ATG9B: variants seen among roughly 807,000 people sequenced by gnomAD.
ATG9B encodes the protein autophagy-related protein 9B.
Under a neutral mutation model 92.9 loss-of-function variants are expected in ATG9B, and 92 were observed. The observed-to-expected ratio is 0.99, with a 90% CI of 0.84 to 1.18. The LOEUF (loss-of-function observed/expected upper bound fraction) is 1.18, where lower values mean the gene tolerates loss of function less well. ATG9B is among the 50% of genes most tolerant of loss of function. The pLI is 0.00. For missense variants in ATG9B, 1,344 were observed against 1,235.0 expected (o/e 1.09, Z -1.32); for synonymous variants, 599 against 551.4 (o/e 1.09, Z -1.21).
chr7:151,019,623 C>T lies in ATG9B; in HGVS notation c.964-249G>A, dbSNP rs73472566. On this transcript the variant is annotated intron_variant, in intron 5 of 13. Transcript: ENST00000639579. ...AAACTGCCCTGTTCATCATCCCTGC[C>T]ATTCATGTGGCCAGTAGTCATGCAC... 4.0e-3 allele frequency among the ~76,000 whole-genome samples: 616 copies of T among 152,316 alleles called. 6 individuals are homozygous for T. Among genetic ancestry groups the T allele is most frequent in the African/African-American group, 0.014 (585 of 41,570 alleles).
chr7:151,016,940 G>A, intron 9 of ATG9B, 96 bp downstream of exon 9: 1 of 1,499,026 alleles, frequency 6.7e-7, no homozygotes, highest in South Asian at 1.3e-5. Context: ...GGGGGCTGGT[G>A]AGGCAGGTTA....
At chr7:151,012,515 A>G (rs769318226), downstream of ATG9B, 4 of 1,587,612 alleles carry the variant, frequency 2.5e-6, no homozygotes, top group Admixed American at 6.8e-5. Context: ...GAGTCACACA[A>G]TCTAGGGACA....
intron 4 of ATG9B, among the ~76,000 whole-genome samples, chr7:151,021,742 C>T (rs1283438176): frequency 6.6e-6 from 1 of 151,752 alleles, no homozygotes; most frequent in Non-Finnish European, 1.5e-5. Flanking sequence ...CTCCACCTCC[C>T]GGGTTCAAAT....
chr7:151,019,030 C>T lies in ATG9B; in HGVS notation c.1308G>A (p.Gly436=), dbSNP rs767508449. Residue 436 remains glycine, a synonymous_variant, in exon 6 of 14, where the codon GGG becomes GGA. Coordinates refer to ENST00000639579, the MANE Select transcript of ATG9B (RefSeq NM_001317056.2). ...GGGCGGCCAGCAGCAGCACTGTGCG[C>T]CCCCAGCGCGCTGCTAGGGCGCCCC... ...DQRGALAARW[G]RTVLLLAALN... is the part of the protein sequence containing the mutation. The T allele has an allele frequency of 1.0e-5, 16 of 1,547,400 alleles. No homozygotes were observed. In the South Asian group the frequency reaches 1.3e-4, roughly 13 times the overall value.
downstream of ATG9B, chr7:151,012,986 C>G (rs1276913918): frequency 1.3e-5 from 7 of 526,102 alleles, no homozygotes; most frequent in Non-Finnish European, 2.3e-5. Context: ...TCCGAAGCCG[C>G]GCATTCTAGC....
rs1795614262 is a variant in ATG9B, at chr7:151,018,669, G to GCTCCACGGCTAGCACGTC, written c.1651_1668dup (p.Asp551_Glu556dup). 1.9e-6 allele frequency: 3 copies of GCTCCACGGCTAGCACGTC among 1,606,888 alleles called. No individual in the cohort carries two copies. The highest frequency in any genetic ancestry group is 2.5e-6 in the Non-Finnish European group (3 of 1,178,822). The stretch of plus-strand genomic sequence containing the variant: ...AGCGCGGTCATGGCGGTGAGCACGT[G>GCTCCACGGCTAGCACGTC]CTCCACGGCTAGCACGTCCTCGTCG... On this transcript the variant is annotated inframe_insertion, in exon 6 of 14. Coordinates refer to ENST00000639579, the MANE Select transcript of ATG9B (RefSeq NM_001317056.2). The surrounding 1 kb of genome is among the most constrained non-coding windows in gnomAD (Gnocchi z 4.7).
chr7:151,019,165 G>A lies in ATG9B; in HGVS notation c.1173C>T (p.Phe391=). The stretch of plus-strand genomic sequence containing the variant: ...CATTGAGCGCCAGGCCGCGGCTGAG[G>A]AAAGCCGCACTGCCTCCCCAGGGCA... ...CPLPWGGSAA[F]LSRGLALNVD... is the part of the protein sequence containing the mutation. Residue 391 remains phenylalanine (F), a synonymous_variant, in exon 6 of 14, where the codon TTC becomes TTT. Transcript: ENST00000639579. 2 of 1,536,526 alleles carry A rather than the reference G, an allele frequency of 1.3e-6. No individual in the cohort carries two copies. The highest frequency in any genetic ancestry group is 1.7e-6 in the Non-Finnish European group (2 of 1,146,644).
At chr7:151,017,689 G>T (rs1376848864) in intron 8 of ATG9B, among the ~76,000 whole-genome samples, 182 bp downstream of exon 8, 1 of 152,222 alleles carries the variant, frequency 6.6e-6, no homozygotes, top group African/African-American at 2.4e-5. Flanking sequence ...CTGTGCTCTG[G>T]AGAGCACATT....
downstream of ATG9B, chr7:151,014,033 T>C: frequency 6.2e-7 from 1 of 1,613,436 alleles, no homozygotes; most frequent in South Asian, 1.1e-5. Context: ...CACGAAGACA[T>C]TTTCGGGCTC....
At position 151,017,964 on chromosome 7, in the gene ATG9B, G is replaced by T. The variant is rs1280588249; in HGVS notation, c.1959C>A (p.Ile653=). The T allele has an allele frequency of 6.2e-7, 1 of 1,608,122 alleles. No individual in the cohort carries two copies. The highest frequency in any genetic ancestry group is 1.7e-5 in the Admixed American group (1 of 59,170). ...CCACAGTGAAGTGATGAAAAAAGTC[G>T]ATAATCTCCAGGGCACGAGGGCGGA... ...FWFRPRALEI[I]DFFHHFTVDV... The change falls in exon 8 of 14, where the codon ATC becomes ATA. Residue 653 remains isoleucine, a synonymous_variant. Transcript: ENST00000639579.
intron 11 of ATG9B, 82 bp downstream of exon 11, chr7:151,016,349 C>T (rs937180556): frequency 3.9e-5 from 59 of 1,514,134 alleles, no homozygotes; most frequent in South Asian, 2.0e-4. Context: ...TAGACCCTTC[C>T]GTAGACTCCA....
intron 5 of ATG9B, 130 bp downstream of exon 5, chr7:151,021,058 T>G: frequency 9.3e-7 from 1 of 1,078,018 alleles, no homozygotes; most frequent in Non-Finnish European, 1.4e-6. Flanking sequence ...CTAGGGCAGG[T>G]GTCAATAAGA....
downstream of ATG9B, chr7:151,013,786 C>T (rs200424809): frequency 1.4e-5 from 22 of 1,611,268 alleles, no homozygotes; most frequent in East Asian, 3.6e-4. Context: ...TGCTGTGCCT[C>T]GAGCGGGGCC....
At position 151,015,575 on chromosome 7, in the gene ATG9B, C is replaced by T. The variant is rs1795444215; in HGVS notation, c.*153G>A. 7.7e-6 allele frequency: 2 copies of T among 258,934 alleles called. No individual in the cohort carries two copies. Among genetic ancestry groups the T allele is most frequent in the East Asian group, 7.5e-5 (1 of 13,370 alleles). 16.0% of individuals were successfully genotyped at this position (258,934 alleles called of 1,614,324 possible). The stretch of plus-strand genomic sequence containing the variant: ...TCCTTGCCTACCTTTTCTCTGTTCT[C>T]GGGGCGAGTTCCTCACTGACTCCCA... On this transcript the variant is annotated 3_prime_UTR_variant, in exon 14 of 14. Coordinates refer to ENST00000639579, the MANE Select transcript of ATG9B (RefSeq NM_001317056.2).
At chr7:151,013,198 GAAGAGCCTT>G (rs755162861), downstream of ATG9B, 1 of 1,597,878 alleles carries the variant, frequency 6.3e-7, no homozygotes, top group Admixed American at 1.7e-5. Context: ...GTGCCCCGGA[GAAGAGCCTT>G]CCCAAGCGCG....
intron 5 of ATG9B, 33 bp downstream of exon 5, chr7:151,021,155 C>T: frequency 6.2e-7 from 1 of 1,610,990 alleles, no homozygotes; most frequent in Non-Finnish European, 8.5e-7. Flanking sequence ...CCTCTCACGG[C>T]ACCCTCTGCA....
chr7:151,016,396 C>A, intron 11 of ATG9B, 35 bp downstream of exon 11: 2 of 1,544,960 alleles, frequency 1.3e-6, no homozygotes, highest in South Asian at 1.2e-5. Flanking sequence ...CCTGCCTTCT[C>A]TCCACATTTC....
chr7:151,022,417 T>C (rs1795786035), intron 4 of ATG9B, among the ~76,000 whole-genome samples: 1 of 148,280 alleles, frequency 6.7e-6, no homozygotes, highest in South Asian at 2.2e-4. Flanking sequence ...ATTACAGGTG[T>C]GAACCACTAT....
Position 151,018,386 on chromosome 7 carries a change from G to A in ATG9B, c.1780C>T (p.Leu594=), listed in dbSNP as rs774662750. The A allele has an allele frequency of 3.2e-6, 5 of 1,586,230 alleles. No individual in the cohort carries two copies. The African/African-American group carries it at 5.4e-5, about 17-fold the overall frequency. Residue 594 remains leucine, a synonymous_variant, in exon 7 of 14, where the codon CTG becomes TTG. Transcript: ENST00000639579. The surrounding 1 kb of genome is among the most constrained non-coding windows in gnomAD (Gnocchi z 4.7). ...TCCGGGAGGTAGTGCATGTGGGCCAGGGCTGTCTGCAGCAGGAGCTGCGGC... is the reference window on the plus strand; with the variant it reads ...TCCGGGAGGTAGTGCATGTGGGCCAAGGCTGTCTGCAGCAGGAGCTGCGGC... The part of the protein sequence containing the change: ...RAPQLLLQTA[L]AHMHYLPEEP...
Sources: allele counts gnomAD v4.1 joint callset (sites outside exome capture counted in the v4.1 genomes callset), GRCh38; gene constraint gnomAD v4.1.1; non-coding constraint Gnocchi (gnomAD v3.1); transcripts MANE v1.5; gene names NCBI Gene and HGNC (gene_info 2026-07-23, HGNC 2026-07-21).